CILK1: variants seen among roughly 807,000 people sequenced by gnomAD.
The protein encoded by CILK1 is ciliogenesis associated kinase 1, also known as serine/threonine-protein kinase ICK.
In CILK1, 47 loss-of-function variants were observed where a neutral mutation model predicts 79.2. That is an observed-to-expected ratio of 0.59 (90% CI 0.47 to 0.76). The LOEUF is 0.76. Ranked by LOEUF, CILK1 falls within the 30% of genes least tolerant of loss-of-function variation. The pLI, the probability that CILK1 is intolerant of heterozygous loss-of-function variation, is 0.00. For missense variants in CILK1, 660 were observed against 769.5 expected (o/e 0.86, Z 1.68); for synonymous variants, 266 against 275.9 (o/e 0.96, Z 0.36).
At chr6:53,016,289 T>C (rs534802285) in intron 7 of CILK1, 39 bp from the exon 8 acceptor site, 5 of 1,608,342 alleles carry the variant, frequency 3.1e-6, no homozygotes, top group Non-Finnish European at 4.3e-6. Flanking sequence ...GCTCAGCCAA[T>C]TGCTGTGATA....
intron 5 of CILK1, among the ~76,000 whole-genome samples, chr6:53,026,392 G>A (rs1025287130): frequency 3.9e-5 from 6 of 152,020 alleles, no homozygotes; most frequent in African/African-American, 1.2e-4. Context: ...TAGATGATCC[G>A]TCCACCTCGG....
chr6:53,009,574 G>A lies in CILK1; in HGVS notation c.1493-7C>T, dbSNP rs764102252. 39 of 1,602,584 alleles carry A rather than the reference G, an allele frequency of 2.4e-5. 3 individuals carry two copies. The South Asian group carries it at 3.9e-4, about 16-fold the overall frequency. ...CCATTTCTTATACTGATCCCTGATA[G>A]AGAAGAAATGATTTTAAAATGCAAA... On this transcript the variant is annotated splice_region_variant and splice_polypyrimidine_tract_variant and intron_variant, in intron 11 of 13. Coordinates refer to ENST00000676107, the MANE Select transcript of CILK1 (RefSeq NM_014920.5).
Sources: allele counts gnomAD v4.1 joint callset (sites outside exome capture counted in the v4.1 genomes callset), GRCh38; gene constraint gnomAD v4.1.1; transcripts MANE v1.5; gene names NCBI Gene and HGNC (gene_info 2026-07-23, HGNC 2026-07-21).